The following PHACTR3 variants were observed in gnomAD, a reference collection of about 807,000 sequenced individuals.
PHACTR3 encodes the protein phosphatase and actin regulator 3.
In PHACTR3, 16 loss-of-function variants were observed where a neutral mutation model predicts 66.8. That is an observed-to-expected ratio of 0.24 (90% confidence interval 0.16 to 0.36). PHACTR3 has a LOEUF of 0.36. Ranked by LOEUF, PHACTR3 falls within the 10% of genes least tolerant of loss-of-function variation. The pLI, the probability that PHACTR3 is intolerant of heterozygous loss-of-function variation, is 1.00. For missense variants in PHACTR3, 647 were observed against 719.9 expected, an observed-to-expected ratio of 0.90 and a Z score of 1.16; for synonymous variants, 323 against 292.1, an observed-to-expected ratio of 1.11 and a Z score of -1.08.
intron 2 of PHACTR3, among the ~76,000 whole-genome samples, chr20:59,744,254 G>T (rs1374667595): frequency 2.0e-5 from 3 of 152,236 alleles, no homozygotes; most frequent in African/African-American, 7.2e-5. Flanking sequence ...CAGCCAGCAG[G>T]TGGCGGGGCT....
intron 5 of PHACTR3, among the ~76,000 whole-genome samples, chr20:59,770,278 C>G (rs2040317933): frequency 6.6e-6 from 1 of 152,248 alleles, no homozygotes; most frequent in Non-Finnish European, 1.5e-5. Context: ...TAGTTCCGAG[C>G]TATGGGTCCT....
chr20:59,630,204 A>G (rs1014388534), intron 1 of PHACTR3, among the ~76,000 whole-genome samples: 2 of 152,070 alleles, frequency 1.3e-5, no homozygotes, highest in South Asian at 4.1e-4. Flanking sequence ...TTTTTTTGAG[A>G]TGGAGTCTCA....
At chr20:59,743,295 A>G in intron 2 of PHACTR3, 27 bp downstream of exon 2, 2 of 1,611,936 alleles carry the variant, frequency 1.2e-6, no homozygotes, top group Non-Finnish European at 1.7e-6. Context: ...AGGCGCGGGC[A>G]GGCTGTGGCT....
intron 8 of PHACTR3, among the ~76,000 whole-genome samples, chr20:59,819,329 T>C (rs548867600): frequency 6.2e-4 from 94 of 150,776 alleles, no homozygotes; most frequent in African/African-American, 2.2e-3. Context: ...ATTTTCCAGA[T>C]CAGCCTGGGC....
intron 1 of PHACTR3, among the ~76,000 whole-genome samples, chr20:59,671,104 A>T (rs894651938): frequency 1.3e-5 from 2 of 152,104 alleles, no homozygotes; most frequent in Non-Finnish European, 2.9e-5. Flanking sequence ...CCTTCTGTTT[A>T]TTCTGAGCTT....
rs141169549 is a variant in PHACTR3, at chr20:59,788,969, A to G, written c.1174+14479A>G. Among the ~76,000 whole-genome samples, 927 of 152,310 alleles carry G rather than the reference A, an allele frequency of 6.1e-3. 22 individuals are homozygous for G. Among genetic ancestry groups the G allele is most frequent in the South Asian group, 0.058 (279 of 4,822 alleles). ...TGGTGTCGGCATCTATAACAGTGTCACTGTTGTTTCAGAAAACGTCAGGCA... is the reference window on the plus strand; with the variant it reads ...TGGTGTCGGCATCTATAACAGTGTCGCTGTTGTTTCAGAAAACGTCAGGCA... On this transcript the variant is annotated intron_variant, in intron 7 of 12. Coordinates refer to ENST00000371015, the MANE Select transcript of PHACTR3 (RefSeq NM_080672.5).
chr20:59,622,179 T>A (rs2034267330), intron 1 of PHACTR3, among the ~76,000 whole-genome samples: 1 of 151,754 alleles, frequency 6.6e-6, no homozygotes, highest in Admixed American at 6.6e-5. Context: ...CTTCCCCTCA[T>A]TTTTTTGAAA....
At chr20:59,837,867 G>A (rs2058992691) in intron 9 of PHACTR3, among the ~76,000 whole-genome samples, 1 of 152,136 alleles carries the variant, frequency 6.6e-6, no homozygotes, top group South Asian at 2.1e-4. Flanking sequence ...TTTAACCCAG[G>A]AACCATGTCT....
At chr20:59,647,751 T>C (rs1246676627) in intron 1 of PHACTR3, among the ~76,000 whole-genome samples, 6 of 152,134 alleles carry the variant, frequency 3.9e-5, no homozygotes, top group South Asian at 2.1e-4. Context: ...CTCCCTAACA[T>C]GGTTGCCTAA....
At chr20:59,760,732 C>CA (rs1248271181) in intron 4 of PHACTR3, among the ~76,000 whole-genome samples, 2 of 152,140 alleles carry the variant, frequency 1.3e-5, no homozygotes, top group African/African-American at 4.8e-5. Flanking sequence ...AGCAACAGAG[C>CA]ATTCCCTACA....
chr20:59,653,687 A>C (rs1401048065), intron 1 of PHACTR3, among the ~76,000 whole-genome samples: 1 of 151,942 alleles, frequency 6.6e-6, no homozygotes. Flanking sequence ...CAATATGTTA[A>C]TGTTGTTATG....
At chr20:59,650,125 C>T (rs936655718) in intron 1 of PHACTR3, among the ~76,000 whole-genome samples, 2 of 152,030 alleles carry the variant, frequency 1.3e-5, no homozygotes, top group African/African-American at 4.8e-5. Context: ...ATCTGTGTTT[C>T]TACTATGAAA....
intron 8 of PHACTR3, among the ~76,000 whole-genome samples, chr20:59,825,276 G>C (rs2042154621): frequency 6.6e-6 from 1 of 152,204 alleles, no homozygotes; most frequent in Admixed American, 6.5e-5. Flanking sequence ...AGGGTGGCTT[G>C]CCCAAGGTTG....
At chr20:59,825,726 T>C (rs181877276) in intron 8 of PHACTR3, among the ~76,000 whole-genome samples, 1 of 152,086 alleles carries the variant, frequency 6.6e-6, no homozygotes, top group Non-Finnish European at 1.5e-5. Flanking sequence ...GGTAACAACT[T>C]TCTCAGCAGA....
chr20:59,771,052 C>T (rs1301113545), intron 5 of PHACTR3, among the ~76,000 whole-genome samples: 2 of 152,116 alleles, frequency 1.3e-5, no homozygotes, highest in African/African-American at 2.4e-5. Flanking sequence ...CTGGGTGGGG[C>T]GAGCCAGGCA....
At chr20:59,613,753 A>C (rs967550032) in intron 1 of PHACTR3, among the ~76,000 whole-genome samples, 4 of 152,206 alleles carry the variant, frequency 2.6e-5, no homozygotes, top group African/African-American at 9.6e-5. Context: ...AAAGAATCTC[A>C]TGGGAAGACT....
chr20:59,654,858 C>T (rs2035565889), intron 1 of PHACTR3, among the ~76,000 whole-genome samples: 1 of 151,934 alleles, frequency 6.6e-6, no homozygotes, highest in Admixed American at 6.5e-5. Context: ...TGGATTCCTT[C>T]ACTGAACATA....
chr20:59,651,827 TGGTAGGTAGGTAGGTA>T (rs3042679), intron 1 of PHACTR3, among the ~76,000 whole-genome samples: 1,655 of 147,798 alleles, frequency 0.011, 27 homozygotes, highest in African/African-American at 0.026. Context: ...AGGATCTTTT[TGGTAGGTAGGTAGGTA>T]GGTAGGTAGG....
Position 59,821,980 on chromosome 20 carries a change from G to A in PHACTR3, c.1329-14525G>A, listed in dbSNP as rs28591422. 1.3e-3 allele frequency among the ~76,000 whole-genome samples: 77 copies of A among 58,214 alleles called. 2 individuals carry two copies. The highest frequency in any genetic ancestry group is 5.1e-3 in the African/African-American group (61 of 11,878). The allele number at this position is 58,214 out of a possible 152,430, so 38.2% of individuals were successfully genotyped here. A position where few individuals can be genotyped will look rare whatever the true frequency, so the allele number is the denominator to read the frequency against. On this transcript the variant is annotated intron_variant, in intron 8 of 12. Coordinates refer to ENST00000371015, the MANE Select transcript of PHACTR3 (RefSeq NM_080672.5). ...CCAGCAATCCTACCCTTTCTGCAGC[G>A]ATCCCACCCCTTCCCCAGCAATCCC...
Sources: allele counts gnomAD v4.1 joint callset (sites outside exome capture counted in the v4.1 genomes callset), GRCh38; gene constraint gnomAD v4.1.1; transcripts MANE v1.5; gene names NCBI Gene and HGNC (gene_info 2026-07-23, HGNC 2026-07-21).